The following ZNRF2 variants were observed in gnomAD, a reference collection of about 807,000 sequenced individuals.
The protein encoded by ZNRF2 is zinc and ring finger 2.
ZNRF2 carries 16 observed loss-of-function variants against 20.4 expected under a neutral mutation model. The ratio of observed to expected loss-of-function variants is 0.79; its 90% CI spans 0.53 to 1.19. ZNRF2 has a LOEUF of 1.19. Among genes scored for constraint, ZNRF2 ranks in the 50% most tolerant of loss-of-function variants. The pLI is 0.00. For missense variants in ZNRF2, 363 were observed against 332.4 expected, an observed-to-expected ratio of 1.09 and a Z score of -0.72; for synonymous variants, 178 against 144.9, an observed-to-expected ratio of 1.23 and a Z score of -1.64.
At chr7:30,365,332 G>A (rs902922060) in intron 4 of ZNRF2, among the ~76,000 whole-genome samples, 2 of 151,736 alleles carry the variant, frequency 1.3e-5, no homozygotes, top group African/African-American at 4.8e-5. Flanking sequence ...ATTTTCTTAT[G>A]TTACATATGA....
intron 2 of ZNRF2, among the ~76,000 whole-genome samples, chr7:30,330,579 G>C (rs1286575542): frequency 6.6e-6 from 1 of 152,126 alleles, no homozygotes; most frequent in Non-Finnish European, 1.5e-5. Flanking sequence ...TTGCAGGAAA[G>C]AGCATATTTT....
intron 2 of ZNRF2, among the ~76,000 whole-genome samples, chr7:30,342,211 C>A (rs150457397): frequency 0.011 from 1,731 of 152,178 alleles, 32 homozygotes; most frequent in African/African-American, 0.039. Flanking sequence ...TTAATTGGGG[C>A]ATTTAGCCCA....
At chr7:30,289,572 C>G (rs1439148842) in intron 1 of ZNRF2, among the ~76,000 whole-genome samples, 1 of 152,200 alleles carries the variant, frequency 6.6e-6, no homozygotes, top group Admixed American at 6.5e-5. Context: ...ACAACCCCTG[C>G]CACTCCTGAA....
chr7:30,331,518 G>A (rs1271701278), intron 2 of ZNRF2, among the ~76,000 whole-genome samples: 3 of 152,150 alleles, frequency 2.0e-5, no homozygotes, highest in African/African-American at 7.2e-5. Flanking sequence ...TACACAGAGT[G>A]TAACAGAGAG....
At chr7:30,326,072 C>G (rs1044011645) in intron 2 of ZNRF2, among the ~76,000 whole-genome samples, 9 of 151,900 alleles carry the variant, frequency 5.9e-5, no homozygotes, top group African/African-American at 1.9e-4. Context: ...TCTTAGTATT[C>G]TGTATGTTTA....
intron 2 of ZNRF2, among the ~76,000 whole-genome samples, chr7:30,351,248 A>G (rs959982207): frequency 6.6e-6 from 1 of 151,972 alleles, no homozygotes; most frequent in Non-Finnish European, 1.5e-5. Flanking sequence ...ATTACCTATT[A>G]TATATTTTAA....
At chr7:30,321,051 T>C (rs907621431) in intron 1 of ZNRF2, among the ~76,000 whole-genome samples, 5 of 152,158 alleles carry the variant, frequency 3.3e-5, no homozygotes, top group Non-Finnish European at 7.3e-5. Flanking sequence ...AGTTCGGAGA[T>C]CTTTATTCTT....
chr7:30,323,000 T>G (rs1433106516), intron 1 of ZNRF2, among the ~76,000 whole-genome samples: 1 of 152,226 alleles, frequency 6.6e-6, no homozygotes, highest in Non-Finnish European at 1.5e-5. Flanking sequence ...GGAAACTAGC[T>G]AATTTTTAAG....
chr7:30,315,730 G>GGT lies in ZNRF2; in HGVS notation c.470-7911_470-7910insTG, dbSNP rs971997324. Among the ~76,000 whole-genome samples the GGT allele has an allele frequency of 1.4e-4, 15 of 103,854 alleles. 1 individual carries two copies. Among genetic ancestry groups the GGT allele is most frequent in the South Asian group, 1.4e-3 (3 of 2,098 alleles). The allele number at this position is 103,854 out of a possible 152,430, so 68.1% of individuals were successfully genotyped here. A position where few individuals can be genotyped will look rare whatever the true frequency, so the allele number is the denominator to read the frequency against. ...CTAACTAAAGAAAAAGGTGGGGCGG[G>GGT]GGGGGGGGGGTTGGGTATAAAGACG... On this transcript the variant is annotated intron_variant, in intron 1 of 4. Coordinates refer to ENST00000323037, the MANE Select transcript of ZNRF2 (RefSeq NM_147128.4).
chr7:30,304,894 A>G (rs2128058605), intron 1 of ZNRF2, among the ~76,000 whole-genome samples: 1 of 152,334 alleles, frequency 6.6e-6, no homozygotes, highest in South Asian at 2.1e-4. Flanking sequence ...CCTGGAGTTG[A>G]TAAATTATTA....
intron 2 of ZNRF2, among the ~76,000 whole-genome samples, chr7:30,324,526 G>A (rs1226330346): frequency 1.3e-5 from 2 of 149,120 alleles, no homozygotes; most frequent in African/African-American, 5.0e-5. Flanking sequence ...TCCAGCCTTG[G>A]AGACAGAGTG....
chr7:30,365,580 A>G (rs1247210091), intron 4 of ZNRF2, among the ~76,000 whole-genome samples: 4 of 152,176 alleles, frequency 2.6e-5, no homozygotes, highest in African/African-American at 9.7e-5. Context: ...AAATTCTTGT[A>G]TACCTTTTAA....
chr7:30,292,939 T>C (rs1798937915), intron 1 of ZNRF2, among the ~76,000 whole-genome samples: 1 of 152,140 alleles, frequency 6.6e-6, no homozygotes. Flanking sequence ...TGACATAATC[T>C]GACTTGGGTT....
chr7:30,317,437 A>G (rs926998562), intron 1 of ZNRF2, among the ~76,000 whole-genome samples: 3 of 152,222 alleles, frequency 2.0e-5, no homozygotes, highest in African/African-American at 4.8e-5. Flanking sequence ...AGATGGTGAG[A>G]CTTGATCTGG....
At chr7:30,304,741 C>G (rs1393069209) in intron 1 of ZNRF2, among the ~76,000 whole-genome samples, 1 of 152,036 alleles carries the variant, frequency 6.6e-6, no homozygotes, top group African/African-American at 2.4e-5. Flanking sequence ...TAGGGTAAAT[C>G]ATTGAGAGAG....
At chr7:30,313,404 G>A (rs1451144090) in intron 1 of ZNRF2, among the ~76,000 whole-genome samples, 1 of 152,014 alleles carries the variant, frequency 6.6e-6, no homozygotes, top group Non-Finnish European at 1.5e-5. Context: ...TAGGCTAGTG[G>A]GCATTATACA....
chr7:30,348,500 C>G (rs1326620238), intron 2 of ZNRF2, among the ~76,000 whole-genome samples: 2 of 152,212 alleles, frequency 1.3e-5, no homozygotes, highest in African/African-American at 2.4e-5. Flanking sequence ...CCACATCTGA[C>G]TCACAGCCAT....
chr7:30,350,608 G>T (rs1267586218), intron 2 of ZNRF2, among the ~76,000 whole-genome samples: 1 of 151,982 alleles, frequency 6.6e-6, no homozygotes, highest in Non-Finnish European at 1.5e-5. Flanking sequence ...GTAATTGAAA[G>T]AATTAGTTAA....
At chr7:30,339,728 G>A (rs955689556) in intron 2 of ZNRF2, among the ~76,000 whole-genome samples, 1 of 152,138 alleles carries the variant, frequency 6.6e-6, no homozygotes, top group African/African-American at 2.4e-5. Context: ...TTTTGCTTAC[G>A]ATTGTCTTGG....
Sources: allele counts gnomAD v4.1 joint callset (sites outside exome capture counted in the v4.1 genomes callset), GRCh38; gene constraint gnomAD v4.1.1; transcripts MANE v1.5; gene names NCBI Gene and HGNC (gene_info 2026-07-23, HGNC 2026-07-21).